PRKAG2: variants seen among roughly 807,000 people sequenced by gnomAD.
PRKAG2 encodes the protein protein kinase AMP-activated non-catalytic subunit gamma 2.
In PRKAG2, 26 loss-of-function variants were observed where a neutral mutation model predicts 69.6. That is an observed-to-expected ratio of 0.37 (90% CI 0.27 to 0.52). PRKAG2 has a LOEUF of 0.52. Among genes scored for constraint, PRKAG2 ranks in the 20% least tolerant of loss-of-function variants. The probability of loss-of-function intolerance (pLI) is 0.90; values close to 1 mark genes in which losing one functional copy is unlikely to be tolerated. For missense variants in PRKAG2, 557 were observed against 740.0 expected, an observed-to-expected ratio of 0.75 and a Z score of 2.87; for synonymous variants, 293 against 285.0, an observed-to-expected ratio of 1.03 and a Z score of -0.28.
chr7:151,817,181 G>C (rs1378951997), intron 1 of PRKAG2, among the ~76,000 whole-genome samples: 7 of 152,098 alleles, frequency 4.6e-5, no homozygotes, highest in Non-Finnish European at 1.0e-4. Flanking sequence ...ACTCTCCCTG[G>C]AGGGCGGAGT....
chr7:151,672,626 A>C (rs1029032793), intron 4 of PRKAG2, among the ~76,000 whole-genome samples: 2 of 151,572 alleles, frequency 1.3e-5, no homozygotes, highest in Non-Finnish European at 2.9e-5. Flanking sequence ...GGCATTATGC[A>C]GTATGCGTCC....
In PRKAG2 at chr7:151,565,351, C is replaced by T. The variant is rs778668093; in HGVS notation, c.1432G>A (p.Val478Ile). Residue 478 changes from valine to isoleucine, a missense_variant, in exon 13 of 16, where the codon GTA becomes ATA. By Grantham distance (29) the Val-to-Ile change is conservative. Coordinates refer to ENST00000287878, the MANE Select transcript of PRKAG2 (RefSeq NM_016203.4). ...KVVDIYSKFD[V>I]INLAAEKTYN... ...AACAAAATTAAAATACTTACAATTA[C>T]ATCAAATTTGGAATAAATATCTACA... The T allele has an allele frequency of 3.6e-6, 5 of 1,393,120 alleles. No homozygotes were observed. Among genetic ancestry groups the T allele is most frequent in the African/African-American group, 1.4e-5 (1 of 69,814 alleles). 86.3% of individuals were successfully genotyped at this position (1,393,120 alleles called of 1,614,324 possible). A position where few individuals can be genotyped will look rare whatever the true frequency, so the allele number is the denominator to read the frequency against.
chr7:151,801,475 C>A (rs1036676000), intron 1 of PRKAG2, among the ~76,000 whole-genome samples: 2 of 152,182 alleles, frequency 1.3e-5, no homozygotes, highest in African/African-American at 4.8e-5. Flanking sequence ...GGCCAGGGAC[C>A]AGCTGCAGGC....
At chr7:151,681,243 G>T (rs1833846530) in intron 3 of PRKAG2, among the ~76,000 whole-genome samples, 1 of 152,172 alleles carries the variant, frequency 6.6e-6, no homozygotes, top group South Asian at 2.1e-4. Context: ...TTCATTTGGG[G>T]GTGGGAACAC....
At chr7:151,579,414 T>C (rs1809814986) in intron 6 of PRKAG2, among the ~76,000 whole-genome samples, 1 of 152,182 alleles carries the variant, frequency 6.6e-6, no homozygotes, top group Admixed American at 6.5e-5. Context: ...TTCATGAGGA[T>C]CATTCATGAA....
intron 3 of PRKAG2, among the ~76,000 whole-genome samples, chr7:151,718,549 C>T (rs1237709473): frequency 6.6e-6 from 1 of 150,944 alleles, no homozygotes; most frequent in Non-Finnish European, 1.5e-5. Context: ...TGGTGGGCTC[C>T]TCTCGGAAAC....
At chr7:151,740,872 G>A (rs6464167) in intron 3 of PRKAG2, among the ~76,000 whole-genome samples, 21,873 of 152,094 alleles carry the variant, frequency 0.14, 4,190 homozygotes, top group African/African-American at 0.43. Flanking sequence ...CAAACAAGCC[G>A]CGAAATCTAC....
At chr7:151,705,083 T>C (rs1838363589) in intron 3 of PRKAG2, among the ~76,000 whole-genome samples, 1 of 152,186 alleles carries the variant, frequency 6.6e-6, no homozygotes. Flanking sequence ...TTTTTGACGA[T>C]TAGCAAGTTA....
At chr7:151,602,980 T>G (rs2151174657) in intron 5 of PRKAG2, among the ~76,000 whole-genome samples, 1 of 152,358 alleles carries the variant, frequency 6.6e-6, no homozygotes, top group East Asian at 1.9e-4. Context: ...ACCGCTTTCC[T>G]TTATAAATTA....
chr7:151,816,108 G>A (rs1219649086), intron 1 of PRKAG2, among the ~76,000 whole-genome samples: 3 of 152,180 alleles, frequency 2.0e-5, no homozygotes, highest in Non-Finnish European at 4.4e-5. Flanking sequence ...CAAAAAGGCG[G>A]CTGAGTCAGC....
intron 5 of PRKAG2, among the ~76,000 whole-genome samples, chr7:151,624,258 A>C (rs1822300984): frequency 1.3e-5 from 2 of 151,434 alleles, no homozygotes; most frequent in African/African-American, 4.9e-5. Context: ...GCACAGCCTC[A>C]ACCTCCTGGA....
At chr7:151,725,372 C>T (rs1394376961) in intron 3 of PRKAG2, among the ~76,000 whole-genome samples, 1 of 151,972 alleles carries the variant, frequency 6.6e-6, no homozygotes, top group Non-Finnish European at 1.5e-5. Flanking sequence ...GGGTGGCCTC[C>T]AGGGGCTGGG....
chr7:151,772,869 C>G (rs1046694896), intron 3 of PRKAG2, among the ~76,000 whole-genome samples: 1 of 151,628 alleles, frequency 6.6e-6, no homozygotes, highest in Non-Finnish European at 1.5e-5. Context: ...ATCTGCAGTT[C>G]CACCTATTGC....
Position 151,729,073 on chromosome 7 carries a change from G to A in PRKAG2, c.466+52079C>T, listed in dbSNP as rs117470064. On this transcript the variant is annotated intron_variant, in intron 3 of 15. Coordinates refer to ENST00000287878, the MANE Select transcript of PRKAG2 (RefSeq NM_016203.4). ...CTGGGAGAGCTGGGCCACTTGTCCA[G>A]GGTTCCACCAGGCAGCGCTTGGTGA... 2.0e-4 allele frequency among the ~76,000 whole-genome samples: 31 copies of A among 151,896 alleles called. No homozygotes were observed. The East Asian group carries it at 6.0e-3, about 29-fold the overall frequency.
At chr7:151,573,442 AGT>A (rs1467886820) in intron 8 of PRKAG2, among the ~76,000 whole-genome samples, 5 of 146,924 alleles carry the variant, frequency 3.4e-5, no homozygotes, top group Non-Finnish European at 7.4e-5. Flanking sequence ...AGCTTCCCAA[AGT>A]GCTGGGACTA....
intron 3 of PRKAG2, among the ~76,000 whole-genome samples, chr7:151,757,521 T>C (rs2075165341): frequency 6.6e-6 from 1 of 152,110 alleles, no homozygotes; most frequent in Non-Finnish European, 1.5e-5. Context: ...ACAGAGAAAA[T>C]TAAATTCCTT....
chr7:151,573,719 C>T (rs747386735), intron 8 of PRKAG2, among the ~76,000 whole-genome samples: 3 of 152,124 alleles, frequency 2.0e-5, no homozygotes, highest in Non-Finnish European at 2.9e-5. Flanking sequence ...AAATAATACA[C>T]TTCATGGGAA....
At chr7:151,852,877 A>G (rs2079609977) in intron 1 of PRKAG2, among the ~76,000 whole-genome samples, 1 of 152,204 alleles carries the variant, frequency 6.6e-6, no homozygotes, top group Non-Finnish European at 1.5e-5. Flanking sequence ...GCACGGCCCC[A>G]TAAGGGGTCA....
At chr7:151,752,977 C>T (rs1045927695) in intron 3 of PRKAG2, among the ~76,000 whole-genome samples, 5 of 151,950 alleles carry the variant, frequency 3.3e-5, no homozygotes, top group African/African-American at 9.6e-5. Flanking sequence ...GCGGCCGCAT[C>T]GGGTGACCCT....
Sources: gnomAD v4.1 joint callset for allele counts (sites outside exome capture counted in the v4.1 genomes callset) on GRCh38, gnomAD v4.1.1 for gene constraint, MANE v1.5 for transcripts, NCBI Gene and HGNC (gene_info 2026-07-23, HGNC 2026-07-21) for gene names.